Variants in SMC5 observed in about 807,000 individuals in gnomAD.
SMC5 encodes structural maintenance of chromosomes protein 5.
A neutral mutation model predicts 148.3 loss-of-function variants in SMC5; 88 were observed. That is an observed-to-expected ratio of 0.59 (90% CI 0.50 to 0.71). SMC5 has a LOEUF of 0.71. SMC5 is among the 30% of genes least tolerant of loss of function. The probability of loss-of-function intolerance (pLI) is 0.00; values close to 1 mark genes in which losing one functional copy is unlikely to be tolerated. For synonymous variants in SMC5, 421 were observed against 432.8 expected (o/e 0.97, Z 0.34); for missense variants, 1,142 against 1,298.9 (o/e 0.88, Z 1.86).
intron 17 of SMC5, among the ~76,000 whole-genome samples, chr9:70,339,469 T>C (rs573029223): frequency 3.0e-4 from 45 of 152,202 alleles, no homozygotes; most frequent in Admixed American, 8.5e-4. Context: ...ACTAAAATTA[T>C]GTAGTAGAAT....
At chr9:70,333,590 G>T (rs2036280480) in intron 17 of SMC5, among the ~76,000 whole-genome samples, 1 of 152,154 alleles carries the variant, frequency 6.6e-6, no homozygotes, top group Non-Finnish European at 1.5e-5. Context: ...AATTAGCTGG[G>T]CATGGTGGCA....
rs1363411506 is a variant in SMC5, at chr9:70,298,027, G to A, written c.1115G>A (p.Arg372Lys). 1.2e-6 allele frequency: 2 copies of A among 1,613,968 alleles called. No homozygotes were observed. Among genetic ancestry groups the A allele is most frequent in the Non-Finnish European group, 1.7e-6 (2 of 1,179,932 alleles). ...AATGAAGAGCTTGACCGACAGAGGA[G>A]AATAGGTAATACCCGCAAAATGATA... ...KQNEELDRQR[R>K]IGNTRKMIED... The change falls in exon 9 of 25, where the codon AGA becomes AAA. Residue 372 changes from arginine to lysine, a missense_variant. Arg to Lys is a conservative substitution (Grantham distance 26). Around this residue, in one of 5 missense-constraint regions of SMC5, gnomAD observed 743 missense variants for 835.7 expected, o/e 0.89. Transcript: ENST00000361138.
In SMC5 at chr9:70,279,583, A is replaced by G. The variant is rs553417987; in HGVS notation, c.678+958A>G. 6.6e-5 allele frequency among the ~76,000 whole-genome samples: 10 copies of G among 152,038 alleles called. 1 individual carries two copies. In the South Asian group the frequency reaches 1.0e-3, roughly 16 times the overall value. ...TGTAATCCCAGCACTTTAGGAGGCC[A>G]AGGCGGGTGGATCACCTGAGGTCAG... On this transcript the variant is annotated intron_variant, in intron 5 of 24. Transcript: ENST00000361138.
chr9:70,350,548 C>A, intron 24 of SMC5, 77 bp downstream of exon 24: 4 of 933,166 alleles, frequency 4.3e-6, no homozygotes, highest in Non-Finnish European at 6.4e-6. Context: ...TTTGTCCCAA[C>A]ATGCACATAT....
At chr9:70,279,819 A>AAAAAAAAAAAAAAAAAAAAAG (rs2034701201) in intron 5 of SMC5, among the ~76,000 whole-genome samples, 1 of 137,862 alleles carries the variant, frequency 7.3e-6, no homozygotes. Context: ...CTCCGTTTCA[A>AAAAAAAAAAAAAAAAAAAAAG]AAAAAAAAAA....
At chr9:70,283,634 A>G (rs1352541860) in intron 7 of SMC5, among the ~76,000 whole-genome samples, 4 of 152,178 alleles carry the variant, frequency 2.6e-5, no homozygotes. Context: ...ACCTTTGTGT[A>G]CTGTATACCC....
At position 70,277,401 on chromosome 9, in the gene SMC5, C is replaced by T. The variant is rs773480446; in HGVS notation, c.472C>T (p.Gln158Ter). Residue 158 changes from glutamine to a stop codon, truncating the protein, a stop_gained, in exon 4 of 25, where the codon CAG (glutamine) becomes TAG (stop). Transcript: ENST00000361138. LOFTEE classifies it high-confidence loss of function. ...FWFINKKSTT[Q>*]KIVEEKVAAL... The stretch of plus-strand genomic sequence containing the variant: ...GTTCATCAACAAAAAATCTACAACC[C>T]AGAAAATAGTGGAAGAGAAAGTTGC... 5.6e-6 allele frequency: 9 copies of T among 1,605,378 alleles called. No homozygotes were observed.
intron 11 of SMC5, among the ~76,000 whole-genome samples, chr9:70,309,233 C>T (rs781646714): frequency 5.4e-5 from 8 of 148,820 alleles, no homozygotes; most frequent in Non-Finnish European, 8.9e-5. Flanking sequence ...AAATTTACCA[C>T]ATTGATCAAC....
At chr9:70,330,312 T>C (rs2036186841) in intron 17 of SMC5, among the ~76,000 whole-genome samples, 1 of 152,088 alleles carries the variant, frequency 6.6e-6, no homozygotes, top group African/African-American at 2.4e-5. Flanking sequence ...TCACCCCAGT[T>C]GTTACAATCA....
At chr9:70,263,742 C>T (rs780374147) in intron 1 of SMC5, among the ~76,000 whole-genome samples, 1 of 152,126 alleles carries the variant, frequency 6.6e-6, no homozygotes, top group African/African-American at 2.4e-5. Flanking sequence ...GCCTCAGGCT[C>T]CCTGGTAGCT....
chr9:70,347,988 T>C lies in SMC5; in HGVS notation c.2839T>C (p.Phe947Leu). ...AATTAATGAAAAATTCAGCAATTTT[T>C]TTAGTTCCATGCAGTGTGCTGGTGA... ...EKINEKFSNF[F>L]SSMQCAGEVD... The change falls in exon 22 of 25, where the codon TTT becomes CTT. Residue 947 changes from phenylalanine to leucine, a missense_variant. Coordinates refer to ENST00000361138, the MANE Select transcript of SMC5 (RefSeq NM_015110.4). The C allele has an allele frequency of 1.2e-6, 2 of 1,608,340 alleles. No individual in the cohort carries two copies. The highest frequency in any genetic ancestry group is 1.8e-4 in the Middle Eastern group (1 of 5,630).
chr9:70,281,727 A>G (rs2034755167), intron 6 of SMC5, among the ~76,000 whole-genome samples: 1 of 152,078 alleles, frequency 6.6e-6, no homozygotes, highest in African/African-American at 2.4e-5. Context: ...TCATTTCATG[A>G]TTCTTAAATT....
Position 70,350,477 on chromosome 9 carries a change from T to C in SMC5, c.3165+6T>C. 1.3e-6 allele frequency: 2 copies of C among 1,570,110 alleles called. No homozygotes were observed. Among genetic ancestry groups the C allele is most frequent in the Non-Finnish European group, 1.7e-6 (2 of 1,159,198 alleles). The stretch of plus-strand genomic sequence containing the variant: ...ACTTTTTCATAACACCAAAGGTAGG[T>C]AAAAAGTAACCTAAAAGTGGTCATA... On this transcript the variant is annotated splice_donor_region_variant and intron_variant, in intron 24 of 24. Transcript: ENST00000361138.
intron 8 of SMC5, among the ~76,000 whole-genome samples, chr9:70,290,770 C>T (rs944595188): frequency 6.6e-6 from 1 of 152,096 alleles, no homozygotes; most frequent in African/African-American, 2.4e-5. Context: ...TGCCAGCACT[C>T]ATTTAATTTT....
At chr9:70,272,540 C>T (rs75315926) in intron 3 of SMC5, among the ~76,000 whole-genome samples, 10,481 of 151,998 alleles carry the variant, frequency 0.069, 578 homozygotes, top group East Asian at 0.22. Flanking sequence ...TAGCGAGACT[C>T]CATCTCCACA....
intron 15 of SMC5, among the ~76,000 whole-genome samples, chr9:70,322,853 T>C (rs1386463554): frequency 6.6e-6 from 1 of 151,938 alleles, no homozygotes; most frequent in African/African-American, 2.4e-5. Context: ...CAAAAAAAAA[T>C]TATGGCTTTC....
chr9:70,259,270 TGCCCGGAGGCCG>T lies in SMC5; in HGVS notation c.185+8_185+19del. ...TCTCGATGGAGAACTTCCTGTAAGTTGCCCGGAGGCCGCGCCGCGGGTGTGGAGGTGTGCTGG... is the reference window on the plus strand; with the variant it reads ...TCTCGATGGAGAACTTCCTGTAAGTTCGCCGCGGGTGTGGAGGTGTGCTGG... On this transcript the variant is annotated splice_region_variant and intron_variant, in intron 1 of 24. Coordinates refer to ENST00000361138, the MANE Select transcript of SMC5 (RefSeq NM_015110.4). 6.4e-7 allele frequency: 1 copy of T among 1,568,646 alleles called. No homozygotes were observed. The highest frequency in any genetic ancestry group is 1.2e-5 in the South Asian group (1 of 85,656).
intron 17 of SMC5, among the ~76,000 whole-genome samples, chr9:70,341,100 T>C (rs888648539): frequency 6.6e-6 from 1 of 152,194 alleles, no homozygotes; most frequent in Non-Finnish European, 1.5e-5. Context: ...GATATAATTA[T>C]ATATGCCTTC....
intron 10 of SMC5, among the ~76,000 whole-genome samples, chr9:70,302,048 C>CAGA (rs1280003177): frequency 6.6e-6 from 1 of 152,188 alleles, no homozygotes; most frequent in Admixed American, 6.5e-5. Flanking sequence ...TCCCAAGAAA[C>CAGA]TGGAACCTGC....
Sources: allele counts gnomAD v4.1 joint callset (sites outside exome capture counted in the v4.1 genomes callset), GRCh38; gene constraint gnomAD v4.1.1; regional missense constraint gnomAD v4.1.1; transcripts MANE v1.5; gene names NCBI Gene and HGNC (gene_info 2026-07-23, HGNC 2026-07-21).